Variants in ADAMTS7 observed in about 807,000 individuals in gnomAD.
ADAMTS7 encodes the protein A disintegrin and metalloproteinase with thrombospondin motifs 7.
Under a neutral mutation model 172.6 loss-of-function variants are expected in ADAMTS7, and 89 were observed. The ratio of observed to expected loss-of-function variants is 0.52; its 90% CI spans 0.43 to 0.61. The LOEUF is 0.61. Among genes scored for constraint, ADAMTS7 ranks in the 20% least tolerant of loss-of-function variants. The pLI is 0.00. For missense variants in ADAMTS7, 1,973 were observed against 2,355.6 expected (o/e 0.84, Z 3.36); for synonymous variants, 885 against 978.4 (o/e 0.90, Z 1.78).
intron 23 of ADAMTS7, 113 bp from the exon 24 acceptor site, chr15:78,759,691 G>C: frequency 7.7e-7 from 1 of 1,303,324 alleles, no homozygotes; most frequent in Non-Finnish European, 1.0e-6. Flanking sequence ...CAAGCAGAGA[G>C]CCCCAGTTTC....
chr15:78,772,427 C>A (rs937799968), intron 14 of ADAMTS7, among the ~76,000 whole-genome samples: 11 of 152,262 alleles, frequency 7.2e-5, no homozygotes, highest in Non-Finnish European at 1.5e-4. Flanking sequence ...AAAATCTAAG[C>A]TTCTCAGCCT....
At chr15:78,772,896 A>G (rs578240407) in intron 14 of ADAMTS7, among the ~76,000 whole-genome samples, 187 bp downstream of exon 14, 33 of 152,314 alleles carry the variant, frequency 2.2e-4, no homozygotes, top group African/African-American at 6.7e-4. Flanking sequence ...CCCCATGGGG[A>G]CAGGTCTCTG....
chr15:78,809,553 A>C (rs888524278), intron 1 of ADAMTS7, among the ~76,000 whole-genome samples: 1 of 152,126 alleles, frequency 6.6e-6, no homozygotes, highest in African/African-American at 2.4e-5. Flanking sequence ...AATAATGACC[A>C]CTACATTGTA....
intron 2 of ADAMTS7, 57 bp downstream of exon 2, chr15:78,800,135 A>G (rs1401312292): frequency 6.8e-7 from 1 of 1,465,976 alleles, no homozygotes; most frequent in Non-Finnish European, 9.3e-7. Context: ...GCTAGAGCCA[A>G]TCTGCACATC....
At position 78,766,814 on chromosome 15, in the gene ADAMTS7, C is replaced by T. The variant is rs4082360; in HGVS notation, c.3097G>A (p.Ala1033Thr). The change falls in exon 19 of 24, where the codon GCC (alanine) becomes ACC (threonine). Residue 1033 changes from alanine (A) to threonine (T), a missense_variant. Around this residue, in one of 8 missense-constraint regions of ADAMTS7, gnomAD observed 771 missense variants for 952.6 expected, o/e 0.81. Transcript: ENST00000388820. ...PHHLAPRPSP[A>T]SSPKPGTMGN... is the part of the protein sequence containing the mutation. ...ATGGTGCCTGGCTTGGGTGATGAGG[C>T]GGGTGAAGGGCGTGGGGCCAGGTGG... The T allele has an allele frequency of 4.3e-3, 6,866 of 1,610,188 alleles. 21 individuals carry two copies. The highest frequency in any genetic ancestry group is 5.4e-3 in the Non-Finnish European group (6,373 of 1,179,690).
chr15:78,800,741 G>A (rs1379567751), intron 1 of ADAMTS7, among the ~76,000 whole-genome samples, 194 bp from the exon 2 acceptor site: 1 of 152,194 alleles, frequency 6.6e-6, no homozygotes, highest in African/African-American at 2.4e-5. Context: ...GATCGTTGCA[G>A]TAACTTCTTT....
In ADAMTS7 at chr15:78,773,041, G is replaced by A. The variant is rs184810653; in HGVS notation, c.2131+42C>T. On this transcript the variant is annotated intron_variant, in intron 14 of 23. Coordinates refer to ENST00000388820, the MANE Select transcript of ADAMTS7 (RefSeq NM_014272.5). The stretch of plus-strand genomic sequence containing the variant: ...AGGGGAGATGGGGAAGGGGCCATCA[G>A]GTGAAGAGCATACCCCTCCCCACAG... The A allele has an allele frequency of 4.0e-5, 58 of 1,447,422 alleles. No homozygotes were observed. In the East Asian group the frequency reaches 1.3e-3, roughly 32 times the overall value. 89.7% of individuals were successfully genotyped at this position (1,447,422 alleles called of 1,614,324 possible). A position where few individuals can be genotyped will look rare whatever the true frequency, so the allele number is the denominator to read the frequency against.
intron 20 of ADAMTS7, 100 bp downstream of exon 20, chr15:78,764,455 G>T: frequency 7.2e-7 from 1 of 1,397,794 alleles, no homozygotes; most frequent in Admixed American, 2.5e-5. Context: ...TGCAGCCTGG[G>T]GCCCTCCCCT....
Position 78,797,951 on chromosome 15 carries a change from G to T in ADAMTS7, c.619C>A (p.Gln207Lys). The T allele has an allele frequency of 6.3e-7, 1 of 1,599,738 alleles. No individual in the cohort carries two copies. ...DSSAPSTCGVQVYPELESRRE... is the reference protein window; with the variant it reads ...DSSAPSTCGVKVYPELESRRE... ...AACTGGGAGCAGAAGAGCATACCTT[G>T]CACTCCACAGGTGCTTGGAGCACTG... Residue 207 changes from glutamine to lysine, a missense_variant, in exon 3 of 24, where the codon CAA becomes AAA. Transcript: ENST00000388820.
At chr15:78,774,860 G>C in intron 11 of ADAMTS7, 67 bp from the exon 12 acceptor site, 1 of 1,509,394 alleles carries the variant, frequency 6.6e-7, no homozygotes, top group Non-Finnish European at 8.8e-7. Context: ...CCACAGCCCA[G>C]AGCAAGCAAC....
intron 10 of ADAMTS7, 28 bp downstream of exon 10, chr15:78,776,721 C>A: frequency 6.5e-7 from 1 of 1,537,964 alleles, no homozygotes; most frequent in Non-Finnish European, 8.8e-7. Flanking sequence ...CTCACACACC[C>A]ACTGCCGGGA....
At chr15:78,797,860 A>G in intron 3 of ADAMTS7, 88 bp downstream of exon 3, 9 of 1,445,816 alleles carry the variant, frequency 6.2e-6, no homozygotes, top group Non-Finnish European at 8.4e-6. Context: ...GGCACTGGGC[A>G]TGGGGATGTT....
chr15:78,769,977 C>T (rs1186639599), intron 16 of ADAMTS7, among the ~76,000 whole-genome samples: 1 of 152,154 alleles, frequency 6.6e-6, no homozygotes. Flanking sequence ...GCCTGGCCAA[C>T]ATGGTGAAAC....
chr15:78,788,501 C>G, intron 7 of ADAMTS7, 127 bp from the exon 8 acceptor site: 1 of 1,119,714 alleles, frequency 8.9e-7, no homozygotes, highest in Non-Finnish European at 1.3e-6. Context: ...AATGGCTGCA[C>G]CCAATGGCTG....
chr15:78,775,653 G>A (rs1039828444), intron 11 of ADAMTS7, among the ~76,000 whole-genome samples: 2 of 151,862 alleles, frequency 1.3e-5, no homozygotes, highest in African/African-American at 2.4e-5. Context: ...CAGCTGCTCC[G>A]TCTCATCTCA....
Position 78,762,531 on chromosome 15 carries a change from C to T in ADAMTS7, c.4775G>A (p.Arg1592His), listed in dbSNP as rs763966802. 3.9e-5 allele frequency: 61 copies of T among 1,566,040 alleles called. No homozygotes were observed. Among genetic ancestry groups the T allele is most frequent in the South Asian group, 4.7e-5 (4 of 85,162 alleles). ...SGPCGGGVQR[R>H]LVKCVNTQTG... ...CTGGGTGTTGACACACTTGACCAGG[C>T]GCCGCTGGACACCACCACCACAGGG... Residue 1592 changes from arginine to histidine, a missense_variant, in exon 23 of 24, where the codon CGC becomes CAC. Coordinates refer to ENST00000388820, the MANE Select transcript of ADAMTS7 (RefSeq NM_014272.5).
chr15:78,773,407 G>T (rs8040936), intron 13 of ADAMTS7, among the ~76,000 whole-genome samples: 26 of 148,418 alleles, frequency 1.8e-4, no homozygotes, highest in African/African-American at 5.3e-4. Context: ...GATGTGAGAC[G>T]GGGAGACCCA....
chr15:78,766,918 A>G lies in ADAMTS7; in HGVS notation c.2993T>C (p.Leu998Pro), dbSNP rs756459980. 1 of 1,610,412 alleles carries G rather than the reference A, an allele frequency of 6.2e-7. No individual in the cohort carries two copies. ...TCSLPLCRWP[L>P]GTLGPEGSGS... ...TGAGCCTTCAGGGCCCAGTGTGCCC[A>G]GGGGCCACCGACAGAGTGGCAGAGA... Residue 998 changes from leucine to proline, a missense_variant, in exon 19 of 24, where the codon CTG becomes CCG. Physicochemically the swap from Leu to Pro is moderately conservative, Grantham distance 98. This residue lies in a region of ADAMTS7 where 771 missense variants were observed against 952.6 expected (regional missense o/e 0.81). Transcript: ENST00000388820.
At chr15:78,806,087 CAA>C (rs1567245502) in intron 1 of ADAMTS7, among the ~76,000 whole-genome samples, 8 of 37,290 alleles carry the variant, frequency 2.1e-4, no homozygotes, top group African/African-American at 6.7e-4. Flanking sequence ...CTCCCCCCCC[CAA>C]AAACACACAC....
Sources: allele counts gnomAD v4.1 joint callset (sites outside exome capture counted in the v4.1 genomes callset), GRCh38; gene constraint gnomAD v4.1.1; regional missense constraint gnomAD v4.1.1; transcripts MANE v1.5; gene names NCBI Gene and HGNC (gene_info 2026-07-23, HGNC 2026-07-21).